Variants in ARHGAP10 observed in about 807,000 individuals in gnomAD.
The protein encoded by ARHGAP10 is Rho GTPase activating protein 10.
In ARHGAP10, 87 loss-of-function variants were observed where a neutral mutation model predicts 108.6. That is an observed-to-expected ratio of 0.80 (90% CI 0.67 to 0.96). ARHGAP10 has a LOEUF of 0.96. Among genes scored for constraint, ARHGAP10 ranks in the 40% least tolerant of loss-of-function variants. The pLI is 0.00. For missense variants in ARHGAP10, 939 were observed against 954.5 expected (o/e 0.98, Z 0.21); for synonymous variants, 347 against 341.1 (o/e 1.02, Z -0.19).
chr4:147,920,063 A>G (rs1205317742), intron 13 of ARHGAP10, among the ~76,000 whole-genome samples: 1 of 152,008 alleles, frequency 6.6e-6, no homozygotes, highest in Non-Finnish European at 1.5e-5. Flanking sequence ...CACCATTGTT[A>G]TCTTCATGTT....
At chr4:148,037,163 A>C (rs1177055224) in intron 19 of ARHGAP10, among the ~76,000 whole-genome samples, 2 of 152,184 alleles carry the variant, frequency 1.3e-5, no homozygotes, top group Non-Finnish European at 2.9e-5. Flanking sequence ...AAAATTTTGG[A>C]CAAAACTGTA....
chr4:147,906,606 G>C (rs1464717161), intron 10 of ARHGAP10, 32 bp from the exon 11 acceptor site: 2 of 1,608,980 alleles, frequency 1.2e-6, no homozygotes, highest in Non-Finnish European at 1.7e-6. Flanking sequence ...AGTGGCCAAG[G>C]GGTAACCTGA....
intron 1 of ARHGAP10, among the ~76,000 whole-genome samples, chr4:147,778,964 C>G (rs138671003): frequency 1.0e-3 from 154 of 152,234 alleles, no homozygotes; most frequent in African/African-American, 3.1e-3. Flanking sequence ...AACTAAGGTA[C>G]TGAAAAGGAA....
At chr4:147,915,340 A>G (rs1314315204) in intron 13 of ARHGAP10, among the ~76,000 whole-genome samples, 3 of 152,274 alleles carry the variant, frequency 2.0e-5, no homozygotes, top group African/African-American at 7.2e-5. Flanking sequence ...AAAGAATTTC[A>G]GAAAAAATCC....
chr4:147,912,681 G>C (rs1339368855), intron 12 of ARHGAP10, among the ~76,000 whole-genome samples: 1 of 115,708 alleles, frequency 8.6e-6, no homozygotes, highest in Non-Finnish European at 1.7e-5. Context: ...GGGGAGACAG[G>C]GTATTGCTCT....
chr4:147,916,321 A>G (rs1402824769), intron 13 of ARHGAP10, among the ~76,000 whole-genome samples: 1 of 152,144 alleles, frequency 6.6e-6, no homozygotes, highest in Non-Finnish European at 1.5e-5. Flanking sequence ...TATTTATTGG[A>G]ACATAAACAT....
At chr4:147,854,831 A>G (rs1734024377) in intron 4 of ARHGAP10, 2 of 985,318 alleles carry the variant, frequency 2.0e-6, no homozygotes, top group Non-Finnish European at 2.4e-6. Context: ...AGATATTTCT[A>G]TTCTAAGCTT....
chr4:147,907,330 A>G (rs1451130375), intron 11 of ARHGAP10, among the ~76,000 whole-genome samples: 2 of 152,202 alleles, frequency 1.3e-5, no homozygotes, highest in Admixed American at 6.5e-5. Context: ...TTGAGAGTTG[A>G]GAATGTGGCA....
chr4:148,060,066 T>G (rs1729545703), intron 20 of ARHGAP10, among the ~76,000 whole-genome samples: 1 of 151,910 alleles, frequency 6.6e-6, no homozygotes, highest in Admixed American at 6.6e-5. Context: ...TAGGGCTCAG[T>G]TCTCTCTTGG....
intron 10 of ARHGAP10, among the ~76,000 whole-genome samples, chr4:147,900,759 T>G (rs1736203616): frequency 6.6e-6 from 1 of 152,078 alleles, no homozygotes; most frequent in Admixed American, 6.6e-5. Context: ...GAAACAAAGA[T>G]GTGATTGCTA....
chr4:147,823,124 G>C (rs2126787010), intron 3 of ARHGAP10, among the ~76,000 whole-genome samples, 167 bp downstream of exon 3: 1 of 152,264 alleles, frequency 6.6e-6, no homozygotes, highest in African/African-American at 2.4e-5. Flanking sequence ...GTTCCTTGAG[G>C]GTGCTGACCA....
intron 4 of ARHGAP10, among the ~76,000 whole-genome samples, chr4:147,852,971 C>CA (rs1407506857): frequency 6.6e-6 from 1 of 152,088 alleles, no homozygotes; most frequent in African/African-American, 2.4e-5. Context: ...CCAAACTTCT[C>CA]AATACCACAA....
intron 1 of ARHGAP10, among the ~76,000 whole-genome samples, chr4:147,771,586 G>A (rs979258289): frequency 6.6e-6 from 1 of 152,114 alleles, no homozygotes; most frequent in African/African-American, 2.4e-5. Context: ...GTTGTTGTGA[G>A]GATTAAATGA....
intron 3 of ARHGAP10, among the ~76,000 whole-genome samples, chr4:147,824,395 A>G (rs1732622891): frequency 6.6e-6 from 1 of 152,086 alleles, no homozygotes; most frequent in East Asian, 1.9e-4. Context: ...GTTATAGTGT[A>G]AGTGTATGAG....
intron 3 of ARHGAP10, among the ~76,000 whole-genome samples, chr4:147,825,746 C>T (rs767082460): frequency 1.3e-5 from 2 of 152,078 alleles, no homozygotes; most frequent in Non-Finnish European, 2.9e-5. Context: ...TGGTGAGGTA[C>T]GTGTTCTTAG....
chr4:147,852,713 T>G (rs1042167953), intron 4 of ARHGAP10, among the ~76,000 whole-genome samples: 3 of 23,902 alleles, frequency 1.3e-4, no homozygotes, highest in African/African-American at 2.1e-4. Flanking sequence ...ACTTTTTTTT[T>G]TTTTTTTTTT....
chr4:147,931,316 A>G (rs1252171231), intron 13 of ARHGAP10, among the ~76,000 whole-genome samples: 18 of 149,746 alleles, frequency 1.2e-4, no homozygotes, highest in African/African-American at 2.4e-4. Flanking sequence ...TAAGAGAGAA[A>G]AAAAAAAAAA....
At chr4:148,005,505 C>T (rs115035727) in intron 18 of ARHGAP10, among the ~76,000 whole-genome samples, 4,921 of 152,220 alleles carry the variant, frequency 0.032, 104 homozygotes, top group Middle Eastern at 0.051. Context: ...TATTATGGCC[C>T]TTTTGTGGTT....
At chr4:147,740,049 T>G (rs1261573242) in intron 1 of ARHGAP10, among the ~76,000 whole-genome samples, 10 of 139,746 alleles carry the variant, frequency 7.2e-5, no homozygotes, top group Non-Finnish European at 1.1e-4. Context: ...CTGGGTTACT[T>G]TTTTTTTTTT....
Sources: gnomAD v4.1 joint callset for allele counts (sites outside exome capture counted in the v4.1 genomes callset) on GRCh38, gnomAD v4.1.1 for gene constraint, MANE v1.5 for transcripts, NCBI Gene and HGNC (gene_info 2026-07-23, HGNC 2026-07-21) for gene names.